The following QTGAL variants were observed in gnomAD, a reference collection of about 807,000 sequenced individuals.
The protein encoded by QTGAL is BGnT-like protein 1.
the QTGAL span, among the ~76,000 whole-genome samples, chr17:82,958,875 GTACAC>G: frequency 3.2e-4 from 24 of 74,222 alleles, no homozygotes; most frequent in Non-Finnish European, 4.4e-4. Context: ...GTGTGTGTGT[GTACAC>G]TGGGGGTGTA....
chr17:82,958,818 G>GTATGGTGTGTGTGTGTGTACAC, the QTGAL span, among the ~76,000 whole-genome samples: 1 of 119,112 alleles, frequency 8.4e-6, no homozygotes, highest in African/African-American at 2.8e-5. Flanking sequence ...TGTATACTGT[G>GTATGGTGTGTGTGTGTGTACAC]TGGGGGTGTA....
At chr17:83,005,549 A>G in the QTGAL span, 1 of 702,266 alleles carries the variant, frequency 1.4e-6, no homozygotes, top group African/African-American at 1.7e-5. This position sits in a 1 kb window ranked among gnomAD's most constrained non-coding sequence, Gnocchi z 5.6. Context: ...GCCCATATGC[A>G]AGGTGAGTTA....
chr17:83,006,503 A>G, the QTGAL span: 8 of 985,296 alleles, frequency 8.1e-6, no homozygotes, highest in African/African-American at 3.5e-5. This position sits in a 1 kb window ranked among gnomAD's most constrained non-coding sequence, Gnocchi z 5.8. Context: ...CCCAAGGTCA[A>G]CGCCGCACCA....
the QTGAL span, among the ~76,000 whole-genome samples, chr17:83,009,086 C>A: frequency 6.6e-6 from 1 of 152,160 alleles, no homozygotes; most frequent in Non-Finnish European, 1.5e-5. Context: ...GAAACTCACA[C>A]CCTCGAGGTG....
At chr17:82,942,308 GGT>G in the QTGAL span, 3 of 1,214,612 alleles carry the variant, frequency 2.5e-6, no homozygotes, top group Non-Finnish European at 3.5e-6. Context: ...CAGGCTGCCG[GGT>G]GTGTGGGAAA....
chr17:83,040,861 C>T, the QTGAL span, among the ~76,000 whole-genome samples: 5 of 151,984 alleles, frequency 3.3e-5, no homozygotes, highest in African/African-American at 4.8e-5. Flanking sequence ...GTCAGGAGAT[C>T]GAGAACATCC....
chr17:82,970,985 G>A, the QTGAL span, among the ~76,000 whole-genome samples: 2 of 152,136 alleles, frequency 1.3e-5, no homozygotes, highest in African/African-American at 4.8e-5. Context: ...AGAAACCGAG[G>A]CAGCCGGGTC....
chr17:82,969,145 AAAAAG>A, the QTGAL span, among the ~76,000 whole-genome samples: 9 of 151,496 alleles, frequency 5.9e-5, no homozygotes, highest in African/African-American at 1.9e-4. Context: ...AAAAAAAAAA[AAAAAG>A]AAAAGAAAAT....
chr17:82,960,978 C>T, the QTGAL span: 1 of 1,513,392 alleles, frequency 6.6e-7, no homozygotes, highest in South Asian at 1.2e-5. Context: ...GTCGGCCCCA[C>T]CAACCCCGGC....
At chr17:83,034,902 C>T in the QTGAL span, 51 of 710,582 alleles carry the variant, frequency 7.2e-5, no homozygotes, top group South Asian at 3.5e-4. Context: ...AGCATGAAAA[C>T]GGACTAACAC....
At chr17:83,011,601 G>A in the QTGAL span, 4 of 152,294 alleles carry the variant, frequency 2.6e-5, no homozygotes, top group African/African-American at 7.2e-5. Context: ...AAACAAAACT[G>A]TGATGACATC....
chr17:83,051,623 C>T, the QTGAL span: 1 of 1,092,286 alleles, frequency 9.2e-7, no homozygotes, highest in African/African-American at 1.7e-5. Context: ...CGTAGGTGAG[C>T]CCGAGAGGCG....
the QTGAL span, among the ~76,000 whole-genome samples, chr17:83,035,995 TC>T: frequency 2.1e-5 from 3 of 143,840 alleles, no homozygotes; most frequent in Non-Finnish European, 4.4e-5. Context: ...GGCGTGCATC[TC>T]TGTGATGAGC....
the QTGAL span, among the ~76,000 whole-genome samples, chr17:83,035,965 G>GCTTGGAGGGCGGTTTGCA: frequency 7.1e-6 from 1 of 140,746 alleles, no homozygotes; most frequent in African/African-American, 2.8e-5. Flanking sequence ...TGGGCTGGAC[G>GCTTGGAGGGCGGTTTGCA]CGTGGTGGGT....
the QTGAL span, among the ~76,000 whole-genome samples, chr17:82,951,092 G>A: frequency 1.3e-5 from 2 of 152,210 alleles, no homozygotes; most frequent in Non-Finnish European, 2.9e-5. Context: ...TCCAATAATG[G>A]AACACTAGGC....
chr17:83,032,809 C>CAT, the QTGAL span, among the ~76,000 whole-genome samples: 2 of 152,220 alleles, frequency 1.3e-5, no homozygotes, highest in Non-Finnish European at 2.9e-5. Context: ...GGACAGGAGT[C>CAT]ATAGCAGCTG....
the QTGAL span, among the ~76,000 whole-genome samples, chr17:82,987,516 T>A: frequency 6.6e-6 from 1 of 152,226 alleles, no homozygotes; most frequent in Non-Finnish European, 1.5e-5. Context: ...GCTCCTGTCA[T>A]CTGAAATATT....
chr17:82,982,591 C>T, the QTGAL span, among the ~76,000 whole-genome samples: 1 of 152,216 alleles, frequency 6.6e-6, no homozygotes, highest in Admixed American at 6.5e-5. Flanking sequence ...AATCAGGCCT[C>T]ACAGAGACCA....
the QTGAL span, chr17:82,946,908 T>C: frequency 6.4e-7 from 1 of 1,565,852 alleles, no homozygotes; most frequent in South Asian, 1.2e-5. Context: ...GTCCGTCAGC[T>C]GAAGTGAAGG....
Sources: gnomAD v4.1 joint callset for allele counts (sites outside exome capture counted in the v4.1 genomes callset) on GRCh38, gnomAD v4.1.1 for gene constraint, Gnocchi (gnomAD v3.1) non-coding constraint, MANE v1.5 for transcripts, NCBI Gene and HGNC (gene_info 2026-07-23, HGNC 2026-07-21) for gene names.